DTNB: variants seen among roughly 807,000 people sequenced by gnomAD.
DTNB encodes dystrobrevin beta.
A neutral mutation model predicts 90.7 loss-of-function variants in DTNB; 63 were observed. The observed-to-expected ratio is 0.69, with a 90% CI of 0.57 to 0.86. The LOEUF (loss-of-function observed/expected upper bound fraction) is 0.86, where lower values mean the gene tolerates loss of function less well. DTNB is among the 40% of genes least tolerant of loss of function. DTNB has a pLI of 0.00. For synonymous variants in DTNB, 277 were observed against 286.7 expected (o/e 0.97, Z 0.34); for missense variants, 744 against 807.1 (o/e 0.92, Z 0.95).
At chr2:25,518,257 T>C (rs1334251412) in intron 9 of DTNB, among the ~76,000 whole-genome samples, 1 of 152,180 alleles carries the variant, frequency 6.6e-6, no homozygotes, top group African/African-American at 2.4e-5. Flanking sequence ...TTGTGAAGTT[T>C]TGTGAGATTT....
intron 1 of DTNB, among the ~76,000 whole-genome samples, chr2:25,654,996 G>A (rs533164668): frequency 6.6e-6 from 1 of 152,334 alleles, no homozygotes; most frequent in South Asian, 2.1e-4. Flanking sequence ...CTCAACAGGA[G>A]CCATAACACT....
chr2:25,383,840 G>A lies in DTNB; in HGVS notation c.1875C>T (p.Asp625=). The change falls in exon 19 of 21, where the codon GAC becomes GAT. Residue 625 remains aspartate (D), a synonymous_variant. Coordinates refer to ENST00000406818, the MANE Select transcript of DTNB (RefSeq NM_021907.5). ...GTCCTGCTGAGCTGCCTTTACCTCT[G>A]TCTTTCCCATTCTGCATCTTCTCTT... The part of the protein sequence containing the change: ...EEEEKMQNGK[D]RG The A allele has an allele frequency of 6.2e-7, 1 of 1,614,012 alleles. No homozygotes were observed. The highest frequency in any genetic ancestry group is 8.5e-7 in the Non-Finnish European group (1 of 1,179,870).
At chr2:25,488,215 G>A (rs1396954351) in intron 9 of DTNB, among the ~76,000 whole-genome samples, 2 of 152,306 alleles carry the variant, frequency 1.3e-5, no homozygotes, top group Admixed American at 1.3e-4. Flanking sequence ...CAGTGACTAT[G>A]AAGATGGACA....
intron 19 of DTNB, among the ~76,000 whole-genome samples, chr2:25,381,533 C>T (rs574724552): frequency 1.3e-5 from 2 of 152,324 alleles, no homozygotes; most frequent in East Asian, 3.9e-4. Context: ...GTGTGCACTA[C>T]CACATCCGGC....
At chr2:25,504,798 T>A (rs886337369) in intron 9 of DTNB, among the ~76,000 whole-genome samples, 7 of 152,208 alleles carry the variant, frequency 4.6e-5, no homozygotes, top group Admixed American at 1.3e-4. Context: ...CAAATAGATC[T>A]ATTGATTCAG....
intron 5 of DTNB, among the ~76,000 whole-genome samples, chr2:25,607,023 C>T (rs1049476884): frequency 6.6e-6 from 1 of 152,122 alleles, no homozygotes; most frequent in African/African-American, 2.4e-5. Context: ...TCCATTTTCT[C>T]ACTAAAAAGG....
chr2:25,449,755 T>C (rs540021541), intron 12 of DTNB, among the ~76,000 whole-genome samples: 4 of 147,476 alleles, frequency 2.7e-5, no homozygotes, highest in Non-Finnish European at 4.5e-5. Flanking sequence ...GTGGTTTGTC[T>C]GTTTTTCTTT....
chr2:25,429,356 T>A (rs1035298168), intron 14 of DTNB, among the ~76,000 whole-genome samples: 3 of 152,204 alleles, frequency 2.0e-5, no homozygotes, highest in African/African-American at 7.2e-5. Flanking sequence ...CGGCTCTAGA[T>A]CCCATCTACA....
chr2:25,574,808 CTCTT>C (rs1283703388), intron 8 of DTNB, among the ~76,000 whole-genome samples: 1 of 152,096 alleles, frequency 6.6e-6, no homozygotes, highest in African/African-American at 2.4e-5. Flanking sequence ...AAATTTAAGT[CTCTT>C]TAACAAAAAT....
intron 9 of DTNB, among the ~76,000 whole-genome samples, chr2:25,516,094 G>A (rs919298924): frequency 3.3e-5 from 5 of 152,114 alleles, no homozygotes; most frequent in Admixed American, 6.6e-5. Flanking sequence ...TAGTCATTAG[G>A]GAAATACGAA....
chr2:25,514,003 A>G (rs1294894311), intron 9 of DTNB, among the ~76,000 whole-genome samples: 33 of 88,898 alleles, frequency 3.7e-4, no homozygotes, highest in Non-Finnish European at 5.5e-4. Flanking sequence ...TTGGTGGGGA[A>G]AAAAAAAAAA....
At chr2:25,538,038 A>G (rs185299947) in intron 8 of DTNB, among the ~76,000 whole-genome samples, 179 of 152,284 alleles carry the variant, frequency 1.2e-3, no homozygotes, top group Middle Eastern at 3.4e-3. Flanking sequence ...CCCTTTACCT[A>G]ATTTCAAAAC....
intron 12 of DTNB, among the ~76,000 whole-genome samples, chr2:25,448,171 T>C (rs569866209): frequency 2.0e-5 from 3 of 152,346 alleles, no homozygotes; most frequent in African/African-American, 4.8e-5. Flanking sequence ...CCACTGCACA[T>C]AATAATTTGT....
chr2:25,429,130 T>C (rs532604909), intron 14 of DTNB, among the ~76,000 whole-genome samples: 1 of 152,168 alleles, frequency 6.6e-6, no homozygotes, highest in Non-Finnish European at 1.5e-5. Flanking sequence ...AATTGTAACA[T>C]ACACACTGGA....
At chr2:25,618,598 T>C (rs577630201) in intron 4 of DTNB, among the ~76,000 whole-genome samples, 47 of 152,320 alleles carry the variant, frequency 3.1e-4, no homozygotes, top group African/African-American at 1.1e-3. Flanking sequence ...ACAGAGTTGA[T>C]TGGTAGGTCA....
chr2:25,628,485 G>GTTTCTTCTCTTTA, intron 3 of DTNB, 101 bp from the exon 4 acceptor site: 4 of 1,127,368 alleles, frequency 3.5e-6, no homozygotes, highest in East Asian at 2.6e-5. Flanking sequence ...AGTTTAAAGA[G>GTTTCTTCTCTTTA]AAGAAACTCT....
At chr2:25,618,356 T>C (rs2071402748) in intron 4 of DTNB, among the ~76,000 whole-genome samples, 1 of 152,160 alleles carries the variant, frequency 6.6e-6, no homozygotes, top group African/African-American at 2.4e-5. Context: ...TCTTGATCCT[T>C]CCCACGAGAC....
At chr2:25,478,224 G>A (rs768801775) in intron 10 of DTNB, among the ~76,000 whole-genome samples, 2 of 152,142 alleles carry the variant, frequency 1.3e-5, no homozygotes, top group Non-Finnish European at 2.9e-5. Flanking sequence ...ATGGTTTAAT[G>A]GGTTAATGAA....
chr2:25,668,062 A>C (rs886278550), intron 1 of DTNB, among the ~76,000 whole-genome samples: 4 of 152,006 alleles, frequency 2.6e-5, no homozygotes, highest in African/African-American at 9.7e-5. Flanking sequence ...ACATGGTGAA[A>C]CCCCGTCTCT....
Sources: allele counts gnomAD v4.1 joint callset (sites outside exome capture counted in the v4.1 genomes callset), GRCh38; gene constraint gnomAD v4.1.1; transcripts MANE v1.5; gene names NCBI Gene and HGNC (gene_info 2026-07-23, HGNC 2026-07-21).